Variants in SHMT1 observed in about 807,000 individuals in gnomAD.
SHMT1 encodes the protein serine hydroxymethyltransferase 1.
SHMT1 carries 45 observed loss-of-function variants against 49.0 expected under a neutral mutation model. The observed-to-expected ratio is 0.92, with a 90% CI of 0.72 to 1.18. The LOEUF (loss-of-function observed/expected upper bound fraction) is 1.18. Among genes scored for constraint, SHMT1 ranks in the 50% most tolerant of loss-of-function variants. SHMT1 has a pLI of 0.00. For synonymous variants in SHMT1, 232 were observed against 246.6 expected, an observed-to-expected ratio of 0.94 and a Z score of 0.55; for missense variants, 541 against 612.4, an observed-to-expected ratio of 0.88 and a Z score of 1.23.
intron 1 of SHMT1, among the ~76,000 whole-genome samples, chr17:18,359,754 T>C (rs1376696845): frequency 6.7e-6 from 1 of 149,286 alleles, no homozygotes; most frequent in East Asian, 2.0e-4. Context: ...AAGACTGTCC[T>C]GGCCAACATG....
chr17:18,344,617 C>T (rs1984891541), intron 5 of SHMT1, among the ~76,000 whole-genome samples: 2 of 145,190 alleles, frequency 1.4e-5, no homozygotes, highest in South Asian at 2.1e-4. Context: ...CTGCTTTCTC[C>T]CTTTTTAATT....
chr17:18,338,632 G>A (rs1057441050), intron 7 of SHMT1, among the ~76,000 whole-genome samples: 2 of 152,226 alleles, frequency 1.3e-5, no homozygotes, highest in Non-Finnish European at 2.9e-5. Flanking sequence ...GGGAAATGTG[G>A]GGAAAAGATA....
intron 1 of SHMT1, chr17:18,362,965 C>A: frequency 6.6e-6 from 1 of 152,470 alleles, no homozygotes. Flanking sequence ...CCTCCTTTCT[C>A]AGGGCCCCAC....
chr17:18,348,567 T>TAAC, intron 3 of SHMT1, 127 bp from the exon 4 acceptor site: 1 of 773,438 alleles, frequency 1.3e-6, no homozygotes. Context: ...AAGAGCTTGT[T>TAAC]AACATGCAGA....
intron 5 of SHMT1, among the ~76,000 whole-genome samples, chr17:18,343,796 T>G (rs1321911622): frequency 2.0e-5 from 3 of 150,264 alleles, no homozygotes; most frequent in African/African-American, 7.4e-5. Flanking sequence ...GGCATGCGCC[T>G]CTAGTCCCAG....
intron 7 of SHMT1, among the ~76,000 whole-genome samples, chr17:18,339,161 CCTGACCA>C (rs1984202443): frequency 1.3e-5 from 2 of 150,720 alleles, no homozygotes; most frequent in Admixed American, 1.3e-4. Flanking sequence ...TAAATGATGA[CCTGACCA>C]CTAACAGGCT....
intron 7 of SHMT1, among the ~76,000 whole-genome samples, chr17:18,338,556 G>C (rs1984110510): frequency 6.6e-6 from 1 of 152,246 alleles, no homozygotes; most frequent in Non-Finnish European, 1.5e-5. Context: ...CCGTCTGGGA[G>C]GTGTACCCAA....
In SHMT1 at chr17:18,328,769, G is replaced by A; in HGVS notation, c.1433C>T (p.Pro478Leu). 6.3e-7 allele frequency: 1 copy of A among 1,586,588 alleles called. No homozygotes were observed. The highest frequency in any genetic ancestry group is 8.6e-7 in the Non-Finnish European group (1 of 1,165,462). The change falls in exon 12 of 12, where the codon CCT (proline) becomes CTT (leucine). Residue 478 changes from proline to leucine, a missense_variant. Coordinates refer to ENST00000316694, the MANE Select transcript of SHMT1 (RefSeq NM_004169.5). Reference protein sequence around the residue: ...VESFASLFPLPGLPDF With the variant: ...VESFASLFPLLGLPDF Reference sequence around the variant, plus strand: ...GCTCCTTTAGAAGTCAGGCAGGCCAGGCAGAGGGAAGAGAGAGGCGAAGCT... The same window carrying A: ...GCTCCTTTAGAAGTCAGGCAGGCCAAGCAGAGGGAAGAGAGAGGCGAAGCT...
intron 7 of SHMT1, among the ~76,000 whole-genome samples, chr17:18,337,904 T>C (rs12603622): frequency 0.64 from 89,702 of 140,882 alleles, 26,013 homozygotes; most frequent in African/African-American, 0.75. Flanking sequence ...AGTGCAGTGG[T>C]GTGATCTCGG....
chr17:18,360,070 A>T (rs1215832642), intron 1 of SHMT1, among the ~76,000 whole-genome samples: 2 of 152,126 alleles, frequency 1.3e-5, no homozygotes, highest in Non-Finnish European at 2.9e-5. Flanking sequence ...CAACACAGCG[A>T]AACCCCGTCT....
rs758472877 is a variant in SHMT1, at chr17:18,330,636, G to A, written c.1090C>T (p.Arg364Cys). ...SDNHLILVDL[R>C]SKGTDGGRAE... The stretch of plus-strand genomic sequence containing the variant: ...CTTCCACCATCTGTGCCTTTGGAAC[G>A]GAGATCCACAAGGATCAAATGGTTG... Residue 364 changes from arginine to cysteine, a missense_variant, in exon 10 of 12, where the codon CGT becomes TGT. Transcript: ENST00000316694. The A allele has an allele frequency of 4.6e-5, 74 of 1,613,854 alleles. No individual in the cohort carries two copies. In the East Asian group the frequency reaches 6.5e-4, roughly 14 times the overall value.
chr17:18,329,266 T>G lies in SHMT1; in HGVS notation c.1282+12A>C, dbSNP rs1457883771. 3 of 1,592,532 alleles carry G rather than the reference T, an allele frequency of 1.9e-6. No individual in the cohort carries two copies. In the South Asian group the frequency reaches 3.3e-5, roughly 18 times the overall value. On this transcript the variant is annotated intron_variant, in intron 11 of 11. Transcript: ENST00000316694. ...CAATAAGATGTGGCAACTTCCAAAC[T>G]TTTATCCTTACCTCTGTGAATAAAG...
At chr17:18,361,175 C>T (rs967520576) in intron 1 of SHMT1, among the ~76,000 whole-genome samples, 3 of 151,786 alleles carry the variant, frequency 2.0e-5, no homozygotes, top group African/African-American at 4.8e-5. Flanking sequence ...GTGTGTGGTG[C>T]GCACCTGTAA....
chr17:18,351,585 C>T lies in SHMT1; in HGVS notation c.242+2087G>A, dbSNP rs191266396. The stretch of plus-strand genomic sequence containing the variant: ...CAGCCTGGCTAACACGGTGAAACCC[C>T]GTCTCTACTAAAAATACAAAAAATA... On this transcript the variant is annotated intron_variant, in intron 3 of 11. Coordinates refer to ENST00000316694, the MANE Select transcript of SHMT1 (RefSeq NM_004169.5). Among the ~76,000 whole-genome samples the T allele has an allele frequency of 4.8e-4, 73 of 151,970 alleles. 1 individual carries two copies. In the East Asian group the frequency reaches 0.014, roughly 29 times the overall value.
chr17:18,335,802 T>G (rs1983728342), intron 7 of SHMT1, 127 bp from the exon 8 acceptor site: 1 of 785,012 alleles, frequency 1.3e-6, no homozygotes, highest in African/African-American at 1.7e-5. Context: ...CATGGAGAAC[T>G]GATTTGTAAC....
chr17:18,338,072 A>T (rs1313652539), intron 7 of SHMT1, among the ~76,000 whole-genome samples: 11 of 133,624 alleles, frequency 8.2e-5, no homozygotes, highest in Non-Finnish European at 9.6e-5. Context: ...CTGGCTGCCC[A>T]GTCTGGGAAG....
In SHMT1 at chr17:18,328,100, G is replaced by A. The variant is rs113640881; in HGVS notation, c.*650C>T. On this transcript the variant is annotated 3_prime_UTR_variant, in exon 12 of 12. Coordinates refer to ENST00000316694, the MANE Select transcript of SHMT1 (RefSeq NM_004169.5). ...CGGGAGGGAGTTGGTTATCTCAGGT[G>A]GAGCAGGAAAGCCTGGTTGATTCTC... 1,046 of 152,496 alleles carry A rather than the reference G, an allele frequency of 6.9e-3. 3 individuals are homozygous for A. The highest frequency in any genetic ancestry group is 0.011 in the Non-Finnish European group (739 of 68,130). 9.4% of individuals were successfully genotyped at this position (152,496 alleles called of 1,614,324 possible).
intron 3 of SHMT1, among the ~76,000 whole-genome samples, chr17:18,352,296 G>A (rs1358078927): frequency 3.3e-5 from 5 of 151,886 alleles, no homozygotes; most frequent in Admixed American, 2.6e-4. Context: ...ACAGGCGCCC[G>A]CCACCTTGCC....
At chr17:18,360,205 T>C (rs1293640487) in intron 1 of SHMT1, among the ~76,000 whole-genome samples, 1 of 151,664 alleles carries the variant, frequency 6.6e-6, no homozygotes, top group African/African-American at 2.4e-5. Flanking sequence ...GCCGAGATCA[T>C]ACCATTGCAC....
Sources: gnomAD v4.1 joint callset for allele counts (sites outside exome capture counted in the v4.1 genomes callset) on GRCh38, gnomAD v4.1.1 for gene constraint, MANE v1.5 for transcripts, NCBI Gene and HGNC (gene_info 2026-07-23, HGNC 2026-07-21) for gene names.